The following CNTNAP2 variants were observed in gnomAD, a reference collection of about 807,000 sequenced individuals.
The protein encoded by CNTNAP2 is contactin-associated protein-like 2.
Under a neutral mutation model 155.2 loss-of-function variants are expected in CNTNAP2, and 98 were observed. The observed-to-expected ratio is 0.63, with a 90% confidence interval of 0.54 to 0.75. The LOEUF (loss-of-function observed/expected upper bound fraction) is 0.75, where lower values mean the gene tolerates loss of function less well. Ranked by LOEUF, CNTNAP2 falls within the 30% of genes least tolerant of loss-of-function variation. CNTNAP2 has a pLI of 0.00. For missense variants in CNTNAP2, 1,727 were observed against 1,688.1 expected (o/e 1.02, Z -0.40); for synonymous variants, 651 against 631.2 (o/e 1.03, Z -0.47).
At chr7:146,488,758 A>T (rs1445304956) in intron 1 of CNTNAP2, among the ~76,000 whole-genome samples, 1 of 152,042 alleles carries the variant, frequency 6.6e-6, no homozygotes, top group Non-Finnish European at 1.5e-5. Context: ...CTGCCCAAGT[A>T]GCTGGGATTT....
chr7:147,140,219 C>A (rs1438570584), intron 8 of CNTNAP2, among the ~76,000 whole-genome samples: 1 of 152,048 alleles, frequency 6.6e-6, no homozygotes, highest in African/African-American at 2.4e-5. Flanking sequence ...ACAATCACTT[C>A]TAGTCTTTCT....
intron 4 of CNTNAP2, among the ~76,000 whole-genome samples, chr7:147,060,586 G>A (rs1166454661): frequency 2.0e-5 from 3 of 152,058 alleles, no homozygotes; most frequent in Non-Finnish European, 4.4e-5. Context: ...ATCTGGGGCC[G>A]GGCGCGGTGG....
At chr7:148,143,985 G>A (rs2116647676) in intron 16 of CNTNAP2, among the ~76,000 whole-genome samples, 1 of 152,258 alleles carries the variant, frequency 6.6e-6, no homozygotes, top group African/African-American at 2.4e-5. Context: ...CCATCCTGTG[G>A]GCCTTGGGTA....
At position 146,543,147 on chromosome 7, in the gene CNTNAP2, T is replaced by C. The variant is rs181606802; in HGVS notation, c.98-231124T>C. Among the ~76,000 whole-genome samples, 147 of 152,066 alleles carry C rather than the reference T, an allele frequency of 9.7e-4. 1 individual carries two copies. The highest frequency in any genetic ancestry group is 4.9e-4 in the Non-Finnish European group (33 of 67,942). On this transcript the variant is annotated intron_variant, in intron 1 of 23. Coordinates refer to ENST00000361727, the MANE Select transcript of CNTNAP2 (RefSeq NM_014141.6). ...AACCATTGCACTATACATATACATA[T>C]ATAAACATCATATTGCACTTAATAA...
chr7:148,179,548 GGAGAGAGGGA>G (rs1239503224), intron 18 of CNTNAP2, among the ~76,000 whole-genome samples: 1 of 147,908 alleles, frequency 6.8e-6, no homozygotes, highest in Non-Finnish European at 1.5e-5. Flanking sequence ...AGTGAGAGAG[GGAGAGAGGGA>G]GAGAGAGGGA....
At chr7:146,529,641 A>G (rs1797739513) in intron 1 of CNTNAP2, among the ~76,000 whole-genome samples, 1 of 152,114 alleles carries the variant, frequency 6.6e-6, no homozygotes. Context: ...TCACATGGGC[A>G]GGAAAGCAGG....
At chr7:148,169,357 T>C (rs896752409) in intron 17 of CNTNAP2, among the ~76,000 whole-genome samples, 6 of 152,122 alleles carry the variant, frequency 3.9e-5, no homozygotes, top group Admixed American at 3.9e-4. Flanking sequence ...GAATTAGAAG[T>C]TGGTAAATTC....
intron 14 of CNTNAP2, among the ~76,000 whole-genome samples, chr7:147,948,333 A>G (rs1209112585): frequency 2.0e-5 from 3 of 152,018 alleles, no homozygotes; most frequent in African/African-American, 7.2e-5. Flanking sequence ...TGTAACACAA[A>G]GGATAAATAC....
chr7:147,880,639 C>A (rs1799503666), intron 13 of CNTNAP2, among the ~76,000 whole-genome samples: 1 of 151,602 alleles, frequency 6.6e-6, no homozygotes, highest in South Asian at 2.1e-4. Flanking sequence ...ACAGAAATAG[C>A]AACCAGAGAA....
At chr7:146,657,408 G>T (rs1800013586) in intron 1 of CNTNAP2, among the ~76,000 whole-genome samples, 1 of 152,136 alleles carries the variant, frequency 6.6e-6, no homozygotes, top group Non-Finnish European at 1.5e-5. Context: ...GAGAGAAAAG[G>T]CCTGGGTTTT....
chr7:146,310,421 G>A (rs1277203177), intron 1 of CNTNAP2, among the ~76,000 whole-genome samples: 1 of 152,080 alleles, frequency 6.6e-6, no homozygotes, highest in Admixed American at 6.6e-5. Context: ...CCAAGGAGTA[G>A]ATACTATTGC....
chr7:148,364,460 T>C (rs926240689), intron 21 of CNTNAP2, among the ~76,000 whole-genome samples: 9 of 145,024 alleles, frequency 6.2e-5, no homozygotes, highest in Non-Finnish European at 1.1e-4. Flanking sequence ...TGGAGAACTT[T>C]TATGTATAGC....
intron 1 of CNTNAP2, among the ~76,000 whole-genome samples, chr7:146,287,847 AATT>A (rs762255950): frequency 6.6e-6 from 1 of 152,160 alleles, no homozygotes; most frequent in African/African-American, 2.4e-5. Flanking sequence ...TTGTGTTAAA[AATT>A]ATTGTTATCT....
rs186669384 is a variant in CNTNAP2 at position 147,609,398 on chromosome 7, G to T, written c.1898-29708G>T. The stretch of plus-strand genomic sequence containing the variant: ...TACAAAAAATTAGCCAGGCATGGTG[G>T]CGGGTGCCTGTAGTCCCAGCTACTC... On this transcript the variant is annotated intron_variant, in intron 12 of 23. Coordinates refer to ENST00000361727, the MANE Select transcript of CNTNAP2 (RefSeq NM_014141.6). Among the ~76,000 whole-genome samples, 97 of 152,238 alleles carry T rather than the reference G, an allele frequency of 6.4e-4. No individual in the cohort carries two copies. The East Asian group carries it at 0.015, about 24-fold the overall frequency.
intron 13 of CNTNAP2, among the ~76,000 whole-genome samples, chr7:147,754,194 T>G (rs1797181666): frequency 6.6e-6 from 1 of 152,164 alleles, no homozygotes; most frequent in Non-Finnish European, 1.5e-5. Flanking sequence ...AAATTATCGC[T>G]CCATCATTTC....
chr7:146,421,849 T>A (rs1796016191), intron 1 of CNTNAP2, among the ~76,000 whole-genome samples: 1 of 151,884 alleles, frequency 6.6e-6, no homozygotes, highest in African/African-American at 2.4e-5. Flanking sequence ...AATTTCCCAA[T>A]TATATACTCA....
At chr7:147,242,400 C>T (rs1378932379) in intron 8 of CNTNAP2, among the ~76,000 whole-genome samples, 1 of 152,116 alleles carries the variant, frequency 6.6e-6, no homozygotes, top group African/African-American at 2.4e-5. Context: ...AATAGTAGTA[C>T]CCGCTTCTTC....
chr7:148,297,206 A>AAGGAAGGAAGGAAGG (rs1455643519), intron 21 of CNTNAP2, among the ~76,000 whole-genome samples: 1 of 151,564 alleles, frequency 6.6e-6, no homozygotes, highest in Non-Finnish European at 1.5e-5. Flanking sequence ...GGAAGGAAGG[A>AAGGAAGGAAGGAAGG]AAAACACCTA....
At chr7:148,092,599 G>A (rs1418475805) in intron 15 of CNTNAP2, among the ~76,000 whole-genome samples, 2 of 152,176 alleles carry the variant, frequency 1.3e-5, no homozygotes, top group Non-Finnish European at 2.9e-5. Flanking sequence ...GTGGTTTTGA[G>A]TAAGAAAAGA....
Sources: allele counts gnomAD v4.1 joint callset (sites outside exome capture counted in the v4.1 genomes callset), GRCh38; gene constraint gnomAD v4.1.1; transcripts MANE v1.5; gene names NCBI Gene and HGNC (gene_info 2026-07-23, HGNC 2026-07-21).